Variants in BIN3 observed in about 807,000 individuals in gnomAD.
BIN3 encodes bridging integrator 3.
BIN3 carries 41 observed loss-of-function variants against 38.2 expected under a neutral mutation model. That is an observed-to-expected ratio of 1.07 (90% CI 0.84 to 1.39). BIN3 has a LOEUF of 1.39. BIN3 is among the 40% of genes most tolerant of loss of function. The probability of loss-of-function intolerance (pLI) is 0.00; values close to 1 mark genes in which losing one functional copy is unlikely to be tolerated. For synonymous variants in BIN3, 145 were observed against 122.6 expected (o/e 1.18, Z -1.21); for missense variants, 361 against 324.3 (o/e 1.11, Z -0.87).
At chr8:22,627,776 G>A (rs945282315) in intron 6 of BIN3, among the ~76,000 whole-genome samples, 4 of 152,176 alleles carry the variant, frequency 2.6e-5, no homozygotes, top group Admixed American at 6.5e-5. Context: ...AACAGCCTCC[G>A]AGGCCAGGTG....
chr8:22,643,267 C>T (rs1002808045), intron 2 of BIN3, among the ~76,000 whole-genome samples: 17 of 152,312 alleles, frequency 1.1e-4, no homozygotes, highest in Non-Finnish European at 1.8e-4. Context: ...TCAGCCTCTG[C>T]ATGAGAGGTC....
intron 1 of BIN3, among the ~76,000 whole-genome samples, chr8:22,657,521 CT>C (rs1803095198): frequency 6.6e-6 from 1 of 152,210 alleles, no homozygotes; most frequent in Non-Finnish European, 1.5e-5. Context: ...AGGGAAAATA[CT>C]TTACAGAGCC....
At chr8:22,622,536 C>T (rs529706689) in intron 8 of BIN3, 1 of 152,538 alleles carries the variant, frequency 6.6e-6, no homozygotes, top group African/African-American at 2.4e-5. Context: ...ACTGGGAATA[C>T]TCACTTCTCC....
chr8:22,655,843 T>C (rs1423471571), intron 1 of BIN3, among the ~76,000 whole-genome samples: 2 of 152,216 alleles, frequency 1.3e-5, no homozygotes, highest in East Asian at 1.9e-4. Flanking sequence ...TGTTTTAACA[T>C]AGTTTTTAAA....
intron 2 of BIN3, among the ~76,000 whole-genome samples, chr8:22,641,485 A>T (rs1802558067): frequency 6.6e-6 from 1 of 152,218 alleles, no homozygotes; most frequent in African/African-American, 2.4e-5. Context: ...ACTGGCAGGC[A>T]GGGCTGGGGC....
intron 8 of BIN3, among the ~76,000 whole-genome samples, 193 bp from the exon 9 acceptor site, chr8:22,621,761 G>A (rs532169550): frequency 6.6e-6 from 1 of 152,300 alleles, no homozygotes; most frequent in African/African-American, 2.4e-5. Context: ...GGGAGCAACA[G>A]GGCCTCAGTG....
chr8:22,639,947 C>T (rs895584964), intron 2 of BIN3, among the ~76,000 whole-genome samples: 2 of 152,048 alleles, frequency 1.3e-5, no homozygotes, highest in Non-Finnish European at 2.9e-5. Context: ...CCGCAACCTC[C>T]GCCTCCCGGG....
chr8:22,660,320 C>T (rs1251750407), intron 1 of BIN3, among the ~76,000 whole-genome samples: 2 of 152,256 alleles, frequency 1.3e-5, no homozygotes, highest in East Asian at 1.9e-4. Context: ...AAAGGCTTGT[C>T]CTGCGGACTC....
At chr8:22,661,352 CTTTT>C (rs751194383) in intron 1 of BIN3, among the ~76,000 whole-genome samples, 24 of 84,446 alleles carry the variant, frequency 2.8e-4, no homozygotes, top group Middle Eastern at 0.015. Flanking sequence ...ATGTATCATT[CTTTT>C]TTTTTTTTTT....
At chr8:22,658,662 C>G (rs1171293033) in intron 1 of BIN3, among the ~76,000 whole-genome samples, 1 of 152,160 alleles carries the variant, frequency 6.6e-6, no homozygotes, top group Non-Finnish European at 1.5e-5. Context: ...CCTCCAGAAT[C>G]CTACTAAACA....
intron 1 of BIN3, among the ~76,000 whole-genome samples, chr8:22,651,460 G>C (rs1326160055): frequency 1.3e-5 from 2 of 152,124 alleles, no homozygotes; most frequent in African/African-American, 4.8e-5. Flanking sequence ...ATTTTTCCCT[G>C]ATCCTCCTCT....
intron 8 of BIN3, 102 bp from the exon 9 acceptor site, chr8:22,621,670 T>C (rs1436288314): frequency 2.4e-6 from 3 of 1,255,760 alleles, no homozygotes; most frequent in Non-Finnish European, 3.4e-6. Flanking sequence ...CCCTTACCCA[T>C]CTGGAGCTGT....
At chr8:22,626,038 G>C (rs901396728) in intron 6 of BIN3, 2 of 152,652 alleles carry the variant, frequency 1.3e-5, no homozygotes, top group African/African-American at 4.8e-5. Flanking sequence ...ATGAAACAAA[G>C]GGCTTATCCC....
intron 6 of BIN3, among the ~76,000 whole-genome samples, chr8:22,628,574 G>C (rs1424187183): frequency 6.6e-6 from 1 of 152,208 alleles, no homozygotes; most frequent in African/African-American, 2.4e-5. Flanking sequence ...CAGGGTGGTG[G>C]GAAGTGGCCG....
At chr8:22,624,861 GAGGCAGAGA>G in intron 6 of BIN3, 1 of 195,286 alleles carries the variant, frequency 5.1e-6, no homozygotes, top group East Asian at 1.3e-4. Context: ...AAGTCACGAT[GAGGCAGAGA>G]AGGTCTAGAA....
chr8:22,626,501 C>A (rs951965089), intron 6 of BIN3: 1 of 152,288 alleles, frequency 6.6e-6, no homozygotes, highest in African/African-American at 2.4e-5. Context: ...GCCAAGGGAC[C>A]ACCGGCAGCT....
chr8:22,636,703 CT>C, intron 3 of BIN3, 117 bp from the exon 4 acceptor site: 2 of 1,175,818 alleles, frequency 1.7e-6, no homozygotes, highest in Non-Finnish European at 2.4e-6. Context: ...TCCACGGGGA[CT>C]TTTCCCGCTG....
intron 4 of BIN3, chr8:22,634,303 A>G (rs1004483312): frequency 3.0e-6 from 1 of 331,136 alleles, no homozygotes; most frequent in African/African-American, 2.2e-5. Flanking sequence ...AGAGGCCAGG[A>G]GCAAGGTGCA....
chr8:22,647,960 A>T (rs1261003867), intron 1 of BIN3, among the ~76,000 whole-genome samples: 1 of 144,062 alleles, frequency 6.9e-6, no homozygotes, highest in Non-Finnish European at 1.5e-5. Context: ...CGCCGTCTCT[A>T]CTATAAAAAA....
Sources: allele counts gnomAD v4.1 joint callset (sites outside exome capture counted in the v4.1 genomes callset), GRCh38; gene constraint gnomAD v4.1.1; transcripts MANE v1.5; gene names NCBI Gene and HGNC (gene_info 2026-07-23, HGNC 2026-07-21).